Variants in TCERG1L observed in about 807,000 individuals in gnomAD.
The protein encoded by TCERG1L is transcription elongation regulator 1 like, also known as transcription elongation regulator 1-like protein.
In TCERG1L, 37 loss-of-function variants were observed where a neutral mutation model predicts 56.3. The observed-to-expected ratio is 0.66, with a 90% CI of 0.51 to 0.87. TCERG1L has a LOEUF of 0.87. TCERG1L is among the 40% of genes least tolerant of loss of function. TCERG1L has a pLI of 0.00. For missense variants in TCERG1L, 799 were observed against 774.2 expected (o/e 1.03, Z -0.38); for synonymous variants, 324 against 326.3 (o/e 0.99, Z 0.08).
At chr10:131,232,028 C>T (rs1365946891) in intron 4 of TCERG1L, among the ~76,000 whole-genome samples, 1 of 152,224 alleles carries the variant, frequency 6.6e-6, no homozygotes, top group Non-Finnish European at 1.5e-5. Context: ...AAAGCTTTGT[C>T]CCTTAATGCT....
intron 4 of TCERG1L, among the ~76,000 whole-genome samples, chr10:131,218,459 G>C (rs1307975428): frequency 6.6e-6 from 1 of 152,050 alleles, no homozygotes; most frequent in African/African-American, 2.4e-5. Flanking sequence ...AGTAAGTCCA[G>C]AGCCAGATCG....
chr10:131,180,885 C>T (rs1382395863), intron 4 of TCERG1L, among the ~76,000 whole-genome samples: 6 of 151,712 alleles, frequency 4.0e-5, no homozygotes, highest in East Asian at 1.9e-4. Flanking sequence ...AAAAGGGAGA[C>T]GTGTGAATCC....
rs577335937 is a variant in TCERG1L at position 131,128,268 on chromosome 10, G to C, written c.1259+6111C>G. Among the ~76,000 whole-genome samples, 5 of 152,206 alleles carry C rather than the reference G, an allele frequency of 3.3e-5. No homozygotes were observed. The East Asian group carries it at 9.7e-4, about 29-fold the overall frequency. On this transcript the variant is annotated intron_variant, in intron 8 of 11. Coordinates refer to ENST00000368642, the MANE Select transcript of TCERG1L (RefSeq NM_174937.4). ...GGAAATCCAGAAAGAGCATAATGAC[G>C]AAGCGTCAACAGCGTGCAAAGGAGG...
chr10:131,294,219 C>T (rs964681678), intron 3 of TCERG1L, among the ~76,000 whole-genome samples: 16 of 152,136 alleles, frequency 1.1e-4, no homozygotes, highest in Admixed American at 2.6e-4. Context: ...TGGAATGCAA[C>T]AGCAGTCACC....
At chr10:131,135,592 A>C (rs1001947507) in intron 7 of TCERG1L, among the ~76,000 whole-genome samples, 27 of 152,100 alleles carry the variant, frequency 1.8e-4, no homozygotes, top group African/African-American at 6.0e-4. Context: ...GTAAGAGGAG[A>C]GGGTCAGGCT....
chr10:131,171,862 C>T (rs944138420), intron 4 of TCERG1L, among the ~76,000 whole-genome samples: 4 of 152,196 alleles, frequency 2.6e-5, no homozygotes, highest in Non-Finnish European at 4.4e-5. Context: ...TGAGCCACTG[C>T]GCCTGGCCCA....
intron 4 of TCERG1L, among the ~76,000 whole-genome samples, chr10:131,256,743 G>A (rs1305461741): frequency 2.6e-5 from 4 of 151,698 alleles, no homozygotes; most frequent in African/African-American, 7.3e-5. Flanking sequence ...AATTACCTGG[G>A]CATGGGGGTG....
chr10:131,135,260 T>C (rs1845662722), intron 7 of TCERG1L, among the ~76,000 whole-genome samples: 1 of 152,108 alleles, frequency 6.6e-6, no homozygotes, highest in Non-Finnish European at 1.5e-5. Context: ...TGGGCTGGGC[T>C]AGGCTGAACT....
Position 131,159,669 on chromosome 10 carries a change from T to C in TCERG1L, c.1034+3453A>G, listed in dbSNP as rs1041345712. On this transcript the variant is annotated intron_variant, in intron 6 of 11. Transcript: ENST00000368642. ...AGATGATTCAGCTAATCAGGTGAAA[T>C]AGGCATAGAGCCACCCCCCAACCCC... 3.4e-5 allele frequency among the ~76,000 whole-genome samples: 5 copies of C among 148,478 alleles called. No individual in the cohort carries two copies. The East Asian group carries it at 6.0e-4, about 18-fold the overall frequency.
intron 3 of TCERG1L, among the ~76,000 whole-genome samples, chr10:131,289,534 G>GGTCTGTGT (rs1554899898): frequency 6.7e-5 from 1 of 14,986 alleles, no homozygotes; most frequent in Non-Finnish European, 2.0e-4. Flanking sequence ...ATCTCCTATC[G>GGTCTGTGT]GTGTGTATGT....
At chr10:131,163,538 C>T (rs1450815378) in intron 5 of TCERG1L, among the ~76,000 whole-genome samples, 1 of 152,212 alleles carries the variant, frequency 6.6e-6, no homozygotes, top group Non-Finnish European at 1.5e-5. Context: ...CAGAAAATCT[C>T]ACTGGCTTCA....
intron 3 of TCERG1L, among the ~76,000 whole-genome samples, chr10:131,302,363 T>C (rs540866410): frequency 1.1e-4 from 16 of 151,730 alleles, no homozygotes; most frequent in South Asian, 1.0e-3. Flanking sequence ...AGGGGAGATA[T>C]ATATTTTTTC....
intron 7 of TCERG1L, among the ~76,000 whole-genome samples, chr10:131,135,998 G>A (rs981242047): frequency 3.9e-5 from 6 of 152,196 alleles, no homozygotes; most frequent in Non-Finnish European, 8.8e-5. Context: ...TGCCCTGGGG[G>A]CCGCCCTGTG....
intron 3 of TCERG1L, among the ~76,000 whole-genome samples, chr10:131,278,533 G>A (rs1035980359): frequency 6.6e-6 from 1 of 151,146 alleles, no homozygotes; most frequent in Non-Finnish European, 1.5e-5. Context: ...AGTAGAGACA[G>A]GGTTTCACCA....
intron 4 of TCERG1L, among the ~76,000 whole-genome samples, chr10:131,251,977 A>C (rs559047751): frequency 6.6e-6 from 1 of 152,258 alleles, no homozygotes; most frequent in Admixed American, 6.5e-5. Flanking sequence ...CCCTTCTACT[A>C]TCTGTCCCTG....
rs114133127 is a variant in TCERG1L, at chr10:131,273,472, C to T, written c.671-13028G>A. 7.7e-3 allele frequency among the ~76,000 whole-genome samples: 1,167 copies of T among 152,316 alleles called. 18 individuals carry two copies. The highest frequency in any genetic ancestry group is 0.026 in the African/African-American group (1,098 of 41,568). On this transcript the variant is annotated intron_variant, in intron 3 of 11. Coordinates refer to ENST00000368642, the MANE Select transcript of TCERG1L (RefSeq NM_174937.4). ...TGGAGCCTGAATCTCTGCCACAAAA[C>T]GCCAAGGAAAAGTTTCTGAGGAATG...
rs552994524 is a variant in TCERG1L, at chr10:131,294,791, A to T, written c.670+13420T>A. On this transcript the variant is annotated intron_variant, in intron 3 of 11. Transcript: ENST00000368642. ...TTTTTTCTTTGGTTTTATTCAAACC[A>T]GGATCAAACAAAATCCTGGCATTTT... is the stretch of plus-strand genomic sequence containing the variant. Among the ~76,000 whole-genome samples the T allele has an allele frequency of 1.9e-4, 29 of 152,222 alleles. 1 individual carries two copies. The South Asian group carries it at 5.6e-3, about 29-fold the overall frequency.
chr10:131,127,238 T>C (rs1003990087), intron 8 of TCERG1L, among the ~76,000 whole-genome samples: 14 of 152,158 alleles, frequency 9.2e-5, no homozygotes, highest in Non-Finnish European at 2.9e-5. Flanking sequence ...ATAGACAACA[T>C]CTTCACACAC....
At chr10:131,303,209 T>C (rs984371149) in intron 3 of TCERG1L, among the ~76,000 whole-genome samples, 3 of 152,076 alleles carry the variant, frequency 2.0e-5, no homozygotes, top group Admixed American at 6.5e-5. Flanking sequence ...CATACTGTCT[T>C]CCACAATGGT....
Sources: gnomAD v4.1 joint callset for allele counts (sites outside exome capture counted in the v4.1 genomes callset) on GRCh38, gnomAD v4.1.1 for gene constraint, MANE v1.5 for transcripts, NCBI Gene and HGNC (gene_info 2026-07-23, HGNC 2026-07-21) for gene names.